MAP3K1: variants seen among roughly 807,000 people sequenced by gnomAD.
MAP3K1 encodes the protein MAP/ERK kinase kinase 1.
In MAP3K1, 36 loss-of-function variants were observed where a neutral mutation model predicts 144.2. The ratio of observed to expected loss-of-function variants is 0.25; its 90% CI spans 0.19 to 0.33. MAP3K1 has a LOEUF of 0.33. MAP3K1 is among the 10% of genes least tolerant of loss of function. The pLI, the probability that MAP3K1 is intolerant of heterozygous loss-of-function variation, is 1.00. For missense variants in MAP3K1, 1,650 were observed against 1,881.9 expected, an observed-to-expected ratio of 0.88 and a Z score of 2.28; for synonymous variants, 718 against 688.7, an observed-to-expected ratio of 1.04 and a Z score of -0.67.
chr5:56,890,039 C>G (rs183228416), intron 19 of MAP3K1, among the ~76,000 whole-genome samples: 1 of 152,122 alleles, frequency 6.6e-6, no homozygotes, highest in Non-Finnish European at 1.5e-5. Flanking sequence ...TTGGGCACCC[C>G]CTTTTTACTC....
At chr5:56,850,403 G>A (rs746467619) in intron 1 of MAP3K1, among the ~76,000 whole-genome samples, 2 of 152,098 alleles carry the variant, frequency 1.3e-5, no homozygotes, top group Non-Finnish European at 1.5e-5. Flanking sequence ...TTCCAGAAAG[G>A]TTTTCTACGA....
chr5:56,820,880 C>A, intron 1 of MAP3K1: 1 of 705,616 alleles, frequency 1.4e-6, no homozygotes, highest in Non-Finnish European at 1.7e-6. Context: ...GATGGGGATA[C>A]AGAGGGGATA....
intron 10 of MAP3K1, among the ~76,000 whole-genome samples, chr5:56,878,129 A>G (rs1748097447): frequency 6.6e-6 from 1 of 152,182 alleles, no homozygotes; most frequent in Non-Finnish European, 1.5e-5. Flanking sequence ...ATATTCCTAA[A>G]TATCTTGTGA....
chr5:56,817,421 G>T (rs1269650542), intron 1 of MAP3K1, among the ~76,000 whole-genome samples: 1 of 152,060 alleles, frequency 6.6e-6, no homozygotes, highest in Non-Finnish European at 1.5e-5. Context: ...AAGTGATCTG[G>T]CATTTTTTGT....
rs372407041 is a variant in MAP3K1 at position 56,880,664 on chromosome 5, G to T, written c.2088-47G>T. 98 of 1,303,046 alleles carry T rather than the reference G, an allele frequency of 7.5e-5. No individual in the cohort carries two copies. In the African/African-American group the frequency reaches 1.4e-3, roughly 18 times the overall value. The allele number at this position is 1,303,046 out of a possible 1,614,324, so 80.7% of individuals were successfully genotyped here. On this transcript the variant is annotated intron_variant, in intron 11 of 19. Transcript: ENST00000399503. ...CATTACTCCTCTAATATTGTATAGT[G>T]TTTTAGCCAAGATCCAGGATTGATG...
At position 56,894,517 on chromosome 5, in the gene MAP3K1, T is replaced by C. The variant is rs1748647051; in HGVS notation, c.*837T>C. The C allele has an allele frequency of 4.3e-6, 1 of 232,698 alleles. No individual in the cohort carries two copies. The allele number at this position is 232,698 out of a possible 1,614,324, so 14.4% of individuals were successfully genotyped here. The stretch of plus-strand genomic sequence containing the variant: ...TTTGAGTCAGTCACCACTCTTATTG[T>C]GCAGGTTAAGTACAAGTTAACTAAA... On this transcript the variant is annotated 3_prime_UTR_variant, in exon 20 of 20. Transcript: ENST00000399503.
At chr5:56,864,354 A>G (rs1362082391) in intron 3 of MAP3K1, among the ~76,000 whole-genome samples, 1 of 150,076 alleles carries the variant, frequency 6.7e-6, no homozygotes, top group Non-Finnish European at 1.5e-5. Context: ...ACTGTCTTGT[A>G]TGATCTTCTT....
Position 56,894,645 on chromosome 5 carries a change from C to T in MAP3K1, c.*965C>T. On this transcript the variant is annotated 3_prime_UTR_variant, in exon 20 of 20. Coordinates refer to ENST00000399503, the MANE Select transcript of MAP3K1 (RefSeq NM_005921.2). Reference sequence around the variant, plus strand: ...TTGGTTGTCAAACTGTAGGAAACTTCACAACATTTAAGTCTTACTCTGTAT... The same window carrying T: ...TTGGTTGTCAAACTGTAGGAAACTTTACAACATTTAAGTCTTACTCTGTAT... The T allele has an allele frequency of 4.3e-6, 1 of 232,344 alleles. No individual in the cohort carries two copies. The highest frequency in any genetic ancestry group is 8.5e-6 in the Non-Finnish European group (1 of 117,518). 14.4% of individuals were successfully genotyped at this position (232,344 alleles called of 1,614,324 possible). A position where few individuals can be genotyped will look rare whatever the true frequency, so the allele number is the denominator to read the frequency against.
Position 56,875,200 on chromosome 5 carries a change from A to ACCAGTGGGTCTT in MAP3K1, c.1858_1869dup (p.Ser620_Ser623dup). 6.2e-7 allele frequency: 1 copy of ACCAGTGGGTCTT among 1,614,146 alleles called. No homozygotes were observed. Among genetic ancestry groups the ACCAGTGGGTCTT allele is most frequent in the Non-Finnish European group, 8.5e-7 (1 of 1,180,022 alleles). ...TGGAAGCAGCCCGAGTGGGGGAGCC[A>ACCAGTGGGTCTT]CCAGTGGGTCTTCCCAGACCAGTAT... On this transcript the variant is annotated inframe_insertion, in exon 10 of 20. Transcript: ENST00000399503.
At chr5:56,855,545 C>T (rs1443077367) in intron 1 of MAP3K1, among the ~76,000 whole-genome samples, 6 of 152,108 alleles carry the variant, frequency 3.9e-5, no homozygotes, top group African/African-American at 1.2e-4. Flanking sequence ...CGTTTCCTTT[C>T]TAGTGAATAT....
chr5:56,886,145 T>A (rs900723593), intron 17 of MAP3K1, 82 bp downstream of exon 17: 1 of 1,129,518 alleles, frequency 8.9e-7, no homozygotes, highest in Non-Finnish European at 1.3e-6. Flanking sequence ...GGCTCACACC[T>A]GTAATCCCAG....
In MAP3K1 at chr5:56,879,073, A is replaced by G. The variant is rs1748123692; in HGVS notation, c.2059A>G (p.Ile687Val). Residue 687 changes from isoleucine to valine, a missense_variant, in exon 11 of 20, where the codon ATC (isoleucine) becomes GTC (valine). By Grantham distance (29) the Ile-to-Val change is conservative (BLOSUM62 3). Around this residue, in one of 6 missense-constraint regions of MAP3K1, gnomAD observed 841 missense variants for 886.5 expected, o/e 0.95. Coordinates refer to ENST00000399503, the MANE Select transcript of MAP3K1 (RefSeq NM_005921.2). ...QRLLQPVVDT[I>V]LVKCADANSR... Reference sequence around the variant, plus strand: ...ACTTCTCCAGCCAGTTGTAGACACCATCCTAGTCAAATGTGCAGATGCCAA... The same window carrying G: ...ACTTCTCCAGCCAGTTGTAGACACCGTCCTAGTCAAATGTGCAGATGCCAA... The G allele has an allele frequency of 6.2e-7, 1 of 1,613,996 alleles. No individual in the cohort carries two copies. Among genetic ancestry groups the G allele is most frequent in the Non-Finnish European group, 8.5e-7 (1 of 1,179,884 alleles).
chr5:56,817,143 C>T (rs1481879083), intron 1 of MAP3K1: 2 of 980,780 alleles, frequency 2.0e-6, no homozygotes, highest in African/African-American at 1.8e-5. Flanking sequence ...GTTTATTGGC[C>T]TCGCCCATTT....
In MAP3K1 at chr5:56,875,328, A is replaced by G; in HGVS notation, c.1965+18A>G. The stretch of plus-strand genomic sequence containing the variant: ...CTGCTTTAGTAAGTAGCTTTATTCC[A>G]TAATCATATCATTATGGGTTTGGGG... On this transcript the variant is annotated intron_variant, in intron 10 of 19. Coordinates refer to ENST00000399503, the MANE Select transcript of MAP3K1 (RefSeq NM_005921.2). 6.2e-7 allele frequency: 1 copy of G among 1,613,078 alleles called. No homozygotes were observed. The highest frequency in any genetic ancestry group is 8.5e-7 in the Non-Finnish European group (1 of 1,179,640).
chr5:56,819,560 C>G (rs1338251214), intron 1 of MAP3K1, among the ~76,000 whole-genome samples: 2 of 152,070 alleles, frequency 1.3e-5, no homozygotes, highest in Non-Finnish European at 2.9e-5. Flanking sequence ...GAATGGATTA[C>G]CATGAGGAAA....
At chr5:56,871,825 C>CT (rs1747861217) in intron 6 of MAP3K1, 85 bp from the exon 7 acceptor site, 1 of 1,280,148 alleles carries the variant, frequency 7.8e-7, no homozygotes, top group African/African-American at 1.5e-5. Flanking sequence ...TATTTATATT[C>CT]TAAGCAAGCA....
chr5:56,824,934 A>T (rs1483536268), intron 1 of MAP3K1, among the ~76,000 whole-genome samples: 1 of 151,342 alleles, frequency 6.6e-6, no homozygotes, highest in African/African-American at 2.4e-5. Flanking sequence ...CCGGTTTTTT[A>T]AAAAAAATTT....
rs1421356880 is a variant in MAP3K1 at position 56,882,137 on chromosome 5, G to C, written c.2937G>C (p.Met979Ile). ...SSPLSHHSQL[M>I]FPALSTPSSS... ...CTTTATCTCATCATTCCCAATTAAT[G>C]TTTCCAGCCTTGTCAACCCCTTCTT... Residue 979 changes from methionine to isoleucine, a missense_variant, in exon 14 of 20, where the codon ATG becomes ATC. Coordinates refer to ENST00000399503, the MANE Select transcript of MAP3K1 (RefSeq NM_005921.2). 1 of 1,614,044 alleles carries C rather than the reference G, an allele frequency of 6.2e-7. No individual in the cohort carries two copies. Among genetic ancestry groups the C allele is most frequent in the Non-Finnish European group, 8.5e-7 (1 of 1,180,014 alleles).
At chr5:56,889,263 G>A (rs547427728) in intron 19 of MAP3K1, among the ~76,000 whole-genome samples, 2 of 152,234 alleles carry the variant, frequency 1.3e-5, no homozygotes, top group South Asian at 4.2e-4. Flanking sequence ...CCGCTTCCCA[G>A]GTTCAGGCAG....
Sources: gnomAD v4.1 joint callset for allele counts (sites outside exome capture counted in the v4.1 genomes callset) on GRCh38, gnomAD v4.1.1 for gene constraint, gnomAD v4.1.1 regional missense constraint, MANE v1.5 for transcripts, NCBI Gene and HGNC (gene_info 2026-07-23, HGNC 2026-07-21) for gene names.